The following DEUP1 variants were observed in gnomAD, a reference collection of about 807,000 sequenced individuals.
The protein encoded by DEUP1 is deuterosome assembly protein 1.
In DEUP1, 82 loss-of-function variants were observed where a neutral mutation model predicts 87.4. The observed-to-expected ratio is 0.94, with a 90% confidence interval of 0.78 to 1.13. The LOEUF (loss-of-function observed/expected upper bound fraction) is 1.13. Among genes scored for constraint, DEUP1 ranks in the 50% most tolerant of loss-of-function variants. The pLI is 0.00. For missense variants in DEUP1, 663 were observed against 681.5 expected, an observed-to-expected ratio of 0.97 and a Z score of 0.30; for synonymous variants, 214 against 222.7, an observed-to-expected ratio of 0.96 and a Z score of 0.35.
At chr11:93,415,209 T>A in intron 13 of DEUP1, 95 bp downstream of exon 13, 1 of 719,708 alleles carries the variant, frequency 1.4e-6, no homozygotes, top group Non-Finnish European at 2.3e-6. Context: ...GTAGTTCGTT[T>A]GTTTTTAATC....
chr11:93,373,650 T>C (rs967617407), intron 7 of DEUP1, among the ~76,000 whole-genome samples: 23 of 140,454 alleles, frequency 1.6e-4, no homozygotes, highest in African/African-American at 5.4e-4. Context: ...TATATATATA[T>C]ACGTATATAT....
chr11:93,388,985 T>A, intron 8 of DEUP1, 35 bp from the exon 9 acceptor site: 1 of 1,156,582 alleles, frequency 8.6e-7, no homozygotes. Context: ...CAAGTTAAGC[T>A]TAATTTTAAT....
intron 13 of DEUP1, among the ~76,000 whole-genome samples, chr11:93,416,875 A>G (rs1325273338): frequency 1.3e-5 from 2 of 152,170 alleles, no homozygotes; most frequent in African/African-American, 4.8e-5. Flanking sequence ...CTGGTTCAAT[A>G]TACGCAAATC....
intron 11 of DEUP1, among the ~76,000 whole-genome samples, chr11:93,407,617 G>A (rs893506145): frequency 6.6e-6 from 1 of 151,776 alleles, no homozygotes. Flanking sequence ...TTGGTAGTAT[G>A]GAATATTTAT....
chr11:93,433,286 A>C (rs1407986194), intron 13 of DEUP1, among the ~76,000 whole-genome samples: 1 of 152,216 alleles, frequency 6.6e-6, no homozygotes, highest in African/African-American at 2.4e-5. Context: ...AGGCCAAGGC[A>C]AGAGGGATTG....
intron 9 of DEUP1, among the ~76,000 whole-genome samples, chr11:93,390,463 T>C (rs2134344665): frequency 1.3e-5 from 2 of 152,310 alleles, no homozygotes; most frequent in South Asian, 4.1e-4. Context: ...ATTTTTCATA[T>C]ATTTTGAACA....
chr11:93,365,487 C>G (rs1018711433), intron 5 of DEUP1, among the ~76,000 whole-genome samples: 1 of 152,056 alleles, frequency 6.6e-6, no homozygotes, highest in African/African-American at 2.4e-5. Flanking sequence ...TATACATGTG[C>G]TTTCACTGAA....
chr11:93,434,732 A>G (rs1037572128), intron 13 of DEUP1, among the ~76,000 whole-genome samples: 4 of 152,190 alleles, frequency 2.6e-5, no homozygotes, highest in African/African-American at 9.7e-5. Context: ...CAGATTCTCC[A>G]AGTGGGTTAA....
intron 13 of DEUP1, among the ~76,000 whole-genome samples, chr11:93,419,859 A>C (rs1309774850): frequency 7.3e-6 from 1 of 136,498 alleles, no homozygotes; most frequent in Non-Finnish European, 1.5e-5. Flanking sequence ...AAAAATAATA[A>C]AATAAAATAA....
intron 4 of DEUP1, among the ~76,000 whole-genome samples, chr11:93,358,472 G>T (rs1488281584): frequency 6.6e-6 from 1 of 152,134 alleles, no homozygotes; most frequent in Non-Finnish European, 1.5e-5. Flanking sequence ...GAGATTAAGG[G>T]TACACATTAG....
intron 13 of DEUP1, among the ~76,000 whole-genome samples, chr11:93,420,002 C>A (rs111861986): frequency 0.069 from 10,504 of 151,984 alleles, 1,186 homozygotes; most frequent in African/African-American, 0.23. Flanking sequence ...GGAGCTGGTA[C>A]CCTTCCTTCT....
At chr11:93,394,382 G>T (rs1946869745) in intron 9 of DEUP1, 77 bp from the exon 10 acceptor site, 1 of 1,110,920 alleles carries the variant, frequency 9.0e-7, no homozygotes, top group African/African-American at 1.6e-5. Flanking sequence ...TAGAAGGACT[G>T]AACATGGCCA....
At chr11:93,332,145 C>A in intron 1 of DEUP1, 71 bp from the exon 2 acceptor site, 1 of 1,023,214 alleles carries the variant, frequency 9.8e-7, no homozygotes, top group Non-Finnish European at 1.4e-6. Context: ...TTGCCAGTAG[C>A]AAAATTTTCA....
Position 93,419,080 on chromosome 11 carries a change from C to T in DEUP1, c.1638+3966C>T, listed in dbSNP as rs1480235700. Among the ~76,000 whole-genome samples the T allele has an allele frequency of 3.3e-5, 5 of 151,306 alleles. No individual in the cohort carries two copies. In the South Asian group the frequency reaches 8.4e-4, roughly 25 times the overall value. ...ATAGCATTGGGAGATATACCTAATG[C>T]TAGATGACGAGTTAGTGGGTGCAGT... On this transcript the variant is annotated intron_variant, in intron 13 of 13. Transcript: ENST00000298050.
chr11:93,394,362 A>T lies in DEUP1; in HGVS notation c.1042-97A>T, dbSNP rs116577938. 3.5e-3 allele frequency: 2,941 copies of T among 834,786 alleles called. 47 individuals carry two copies. The African/African-American group carries it at 0.041, about 12-fold the overall frequency. 51.7% of individuals were successfully genotyped at this position (834,786 alleles called of 1,614,324 possible). A position where few individuals can be genotyped will look rare whatever the true frequency, so the allele number is the denominator to read the frequency against. On this transcript the variant is annotated intron_variant, in intron 9 of 13. Transcript: ENST00000298050. ...AGGAGGGTGAAGTGGGCCCTGACAA[A>T]GTTTCAGAATAGAAGGACTGAACAT...
intron 13 of DEUP1, among the ~76,000 whole-genome samples, chr11:93,436,127 C>T (rs1356113459): frequency 6.6e-6 from 1 of 152,210 alleles, no homozygotes; most frequent in Non-Finnish European, 1.5e-5. Flanking sequence ...TGACATGCCA[C>T]ATAGCAGTAG....
chr11:93,386,647 C>T (rs935853274), intron 8 of DEUP1, among the ~76,000 whole-genome samples: 2 of 152,256 alleles, frequency 1.3e-5, no homozygotes, highest in African/African-American at 2.4e-5. Flanking sequence ...CAAATGGCAA[C>T]TTAAGATCCC....
At chr11:93,415,222 A>T (rs1432815096) in intron 13 of DEUP1, 108 bp downstream of exon 13, 4 of 628,584 alleles carry the variant, frequency 6.4e-6, no homozygotes, top group Non-Finnish European at 1.1e-5. Flanking sequence ...TTTTAATCTC[A>T]CTCCTTGAAT....
intron 3 of DEUP1, 55 bp downstream of exon 3, chr11:93,355,597 A>G (rs1944858112): frequency 7.0e-7 from 1 of 1,428,058 alleles, no homozygotes; most frequent in African/African-American, 1.4e-5. Context: ...TACATATAGT[A>G]TTCTATCAGA....
Sources: allele counts gnomAD v4.1 joint callset (sites outside exome capture counted in the v4.1 genomes callset), GRCh38; gene constraint gnomAD v4.1.1; transcripts MANE v1.5; gene names NCBI Gene and HGNC (gene_info 2026-07-23, HGNC 2026-07-21).